Variants in DCT observed in about 807,000 individuals in gnomAD.
The protein encoded by DCT is L-dopachrome tautomerase.
DCT carries 47 observed loss-of-function variants against 53.0 expected under a neutral mutation model. The ratio of observed to expected loss-of-function variants is 0.89; its 90% CI spans 0.70 to 1.13. The LOEUF is 1.13. Ranked by LOEUF, DCT falls within the 50% of genes most tolerant of loss-of-function variation. The pLI, the probability that DCT is intolerant of heterozygous loss-of-function variation, is 0.00. For synonymous variants in DCT, 244 were observed against 237.0 expected (o/e 1.03, Z -0.27); for missense variants, 669 against 637.4 (o/e 1.05, Z -0.53).
At chr13:94,513,250 C>G in the DCT span, among the ~76,000 whole-genome samples, 9 of 152,188 alleles carry the variant, frequency 5.9e-5, no homozygotes, top group African/African-American at 2.2e-4. Flanking sequence ...CTTTGAGATG[C>G]TAACAGGCTG....
rs1158811829 is a variant in DCT, at chr13:94,472,513, CATACATACATATATATATATATATATAT to C, written c.296-3496_296-3469del. ...TGGTATACAGTGAGTTAAATATATA[CATACATACATATATATATATATATATAT>C]ATATATATATATATATATATATATA... On this transcript the variant is annotated intron_variant, in intron 1 of 7. Coordinates refer to ENST00000377028, the MANE Select transcript of DCT (RefSeq NM_001922.5). Among the ~76,000 whole-genome samples the C allele has an allele frequency of 1.0e-3, 38 of 37,506 alleles. 1 individual carries two copies. The highest frequency in any genetic ancestry group is 1.8e-3 in the African/African-American group (17 of 9,496). The allele number at this position is 37,506 out of a possible 152,430, so 24.6% of individuals were successfully genotyped here. A position where few individuals can be genotyped will look rare whatever the true frequency, so the allele number is the denominator to read the frequency against.
At chr13:94,499,648 C>T in the DCT span, among the ~76,000 whole-genome samples, 16 of 152,278 alleles carry the variant, frequency 1.1e-4, no homozygotes, top group South Asian at 8.3e-4. Flanking sequence ...AGTGCACCAT[C>T]GGTGGCCTAG....
At chr13:94,547,980 A>ATATATAT in the DCT span, among the ~76,000 whole-genome samples, 2 of 99,190 alleles carry the variant, frequency 2.0e-5, no homozygotes, top group East Asian at 2.3e-4. Flanking sequence ...AAAAAAAAAA[A>ATATATAT]AAAAATATAT....
At chr13:94,505,555 T>C in the DCT span, among the ~76,000 whole-genome samples, 294 of 152,342 alleles carry the variant, frequency 1.9e-3, no homozygotes, top group African/African-American at 7.0e-3. Flanking sequence ...GTTATCCTGG[T>C]TTCCATGGGA....
chr13:94,487,717 T>G, the DCT span, among the ~76,000 whole-genome samples: 1 of 152,178 alleles, frequency 6.6e-6, no homozygotes, highest in Non-Finnish European at 1.5e-5. Context: ...CTCCCCGTTT[T>G]TTAGCCCCCT....
chr13:94,501,928 T>C, the DCT span, among the ~76,000 whole-genome samples: 1 of 152,174 alleles, frequency 6.6e-6, no homozygotes, highest in African/African-American at 2.4e-5. Flanking sequence ...GGTATTATTG[T>C]CTCCCTCACT....
intron 1 of DCT, among the ~76,000 whole-genome samples, chr13:94,472,295 G>A (rs1434623560): frequency 6.6e-6 from 1 of 151,702 alleles, no homozygotes; most frequent in Non-Finnish European, 1.5e-5. Context: ...TGCACTGACA[G>A]TGAGGGAGAT....
chr13:94,463,056 C>T (rs1028913819), intron 4 of DCT, among the ~76,000 whole-genome samples: 3 of 152,178 alleles, frequency 2.0e-5, no homozygotes, highest in African/African-American at 4.8e-5. Flanking sequence ...GTCCCATGTC[C>T]GTAAGACATT....
At chr13:94,487,860 TC>T in the DCT span, among the ~76,000 whole-genome samples, 2 of 152,238 alleles carry the variant, frequency 1.3e-5, no homozygotes, top group African/African-American at 4.8e-5. Flanking sequence ...AGTTTTGCTT[TC>T]TACATCTAAG....
intron 4 of DCT, among the ~76,000 whole-genome samples, chr13:94,463,090 C>T (rs1883925769): frequency 6.6e-6 from 1 of 152,112 alleles, no homozygotes; most frequent in Non-Finnish European, 1.5e-5. Context: ...CTGCTATGGC[C>T]TGGATTCCAA....
At chr13:94,469,796 T>G (rs745313851) in intron 1 of DCT, among the ~76,000 whole-genome samples, 11 of 152,152 alleles carry the variant, frequency 7.2e-5, no homozygotes, top group Non-Finnish European at 1.5e-4. Flanking sequence ...AATACATGGC[T>G]TGGCCCGGTG....
chr13:94,436,989 C>T lies in DCT; in HGVS notation c.*2909G>A, dbSNP rs1381351640. Reference sequence around the variant, plus strand: ...AGTTAGCTACTGCAGGACCTCTCTTCCCTGGTCAGTCACTTGAAGCAGCCA... The same window carrying T: ...AGTTAGCTACTGCAGGACCTCTCTTTCCTGGTCAGTCACTTGAAGCAGCCA... On this transcript the variant is annotated 3_prime_UTR_variant, in exon 8 of 8. Transcript: ENST00000377028. 6.6e-6 allele frequency: 1 copy of T among 152,168 alleles called. No homozygotes were observed. The highest frequency in any genetic ancestry group is 1.5e-5 in the Non-Finnish European group (1 of 68,036). The allele number at this position is 152,168 out of a possible 1,614,324, so 9.4% of individuals were successfully genotyped here.
the DCT span, among the ~76,000 whole-genome samples, chr13:94,549,056 G>A: frequency 5.2e-4 from 79 of 152,288 alleles, no homozygotes; most frequent in Admixed American, 9.1e-4. Flanking sequence ...GAGCTGTAAA[G>A]CTGCCATCCT....
chr13:94,491,281 C>G, the DCT span, among the ~76,000 whole-genome samples: 14 of 152,290 alleles, frequency 9.2e-5, no homozygotes, highest in African/African-American at 3.1e-4. Flanking sequence ...CCAGGCCTGT[C>G]TTTCAGCTTC....
At chr13:94,542,427 G>A in the DCT span, among the ~76,000 whole-genome samples, 1 of 152,146 alleles carries the variant, frequency 6.6e-6, no homozygotes, top group Non-Finnish European at 1.5e-5. Context: ...CTGACCTCAA[G>A]TGATCCGCCC....
intron 1 of DCT, among the ~76,000 whole-genome samples, chr13:94,472,564 ATATATTTTTTTTTTTTTTTT>A (rs1884802774): frequency 1.1e-4 from 2 of 18,056 alleles, no homozygotes; most frequent in African/African-American, 2.9e-4. Context: ...ATATATATAT[ATATATTTTTTTTTTTTTTTT>A]TTTTTTTTTT....
At position 94,476,180 on chromosome 13, in the gene DCT, C is replaced by CTT. The variant is rs529819051; in HGVS notation, c.295+2779_295+2780dup. On this transcript the variant is annotated intron_variant, in intron 1 of 7. Coordinates refer to ENST00000377028, the MANE Select transcript of DCT (RefSeq NM_001922.5). Reference sequence around the variant, plus strand: ...GGGCTTTTTAGAGCAGGGGGAGCCTCTTTTTTTTTTTTTTTTTTTTTTTTT... The same window carrying CTT: ...GGGCTTTTTAGAGCAGGGGGAGCCTCTTTTTTTTTTTTTTTTTTTTTTTTTTT... Among the ~76,000 whole-genome samples the CTT allele has an allele frequency of 8.3e-3, 607 of 72,724 alleles. 52 individuals carry two copies. The highest frequency in any genetic ancestry group is 0.031 in the African/African-American group (565 of 18,040). 47.7% of individuals were successfully genotyped at this position (72,724 alleles called of 152,430 possible). A position where few individuals can be genotyped will look rare whatever the true frequency, so the allele number is the denominator to read the frequency against.
the DCT span, among the ~76,000 whole-genome samples, chr13:94,540,592 CA>C: frequency 1.3e-5 from 2 of 152,114 alleles, no homozygotes; most frequent in African/African-American, 4.8e-5. Flanking sequence ...AAATGCAAAT[CA>C]AAACCCAATG....
the DCT span, among the ~76,000 whole-genome samples, chr13:94,508,005 T>G: frequency 5.3e-5 from 8 of 151,254 alleles, no homozygotes; most frequent in African/African-American, 1.7e-4. Context: ...TTTAGTCACA[T>G]TTTTATAAGT....
Sources: allele counts gnomAD v4.1 joint callset (sites outside exome capture counted in the v4.1 genomes callset), GRCh38; gene constraint gnomAD v4.1.1; transcripts MANE v1.5; gene names NCBI Gene and HGNC (gene_info 2026-07-23, HGNC 2026-07-21).